The following OPCML variants were observed in gnomAD, a reference collection of about 807,000 sequenced individuals.
OPCML encodes opioid-binding protein/cell adhesion molecule.
Under a neutral mutation model 37.8 loss-of-function variants are expected in OPCML, and 13 were observed. The observed-to-expected ratio is 0.34, with a 90% CI of 0.22 to 0.55. OPCML has a LOEUF of 0.55. Ranked by LOEUF, OPCML falls within the 20% of genes least tolerant of loss-of-function variation. The pLI is 0.91. For synonymous variants in OPCML, 176 were observed against 168.8 expected, an observed-to-expected ratio of 1.04 and a Z score of -0.33; for missense variants, 341 against 435.6, an observed-to-expected ratio of 0.78 and a Z score of 1.93.
intron 2 of OPCML, among the ~76,000 whole-genome samples, chr11:132,685,632 C>T (rs1181311281): frequency 1.3e-5 from 2 of 152,040 alleles, no homozygotes; most frequent in African/African-American, 4.8e-5. Context: ...TTATGTCTCC[C>T]TTTTTTTGAT....
At chr11:133,334,489 T>TA (rs891377012) in intron 1 of OPCML, among the ~76,000 whole-genome samples, 5 of 152,092 alleles carry the variant, frequency 3.3e-5, no homozygotes, top group Non-Finnish European at 7.4e-5. Flanking sequence ...CACTGGGGTC[T>TA]ACTTGATGGG....
At chr11:133,483,117 G>A (rs1288972089) in intron 1 of OPCML, among the ~76,000 whole-genome samples, 2 of 151,998 alleles carry the variant, frequency 1.3e-5, no homozygotes, top group African/African-American at 4.8e-5. Context: ...ATTTTAAGAG[G>A]AGAAAAAACA....
At chr11:133,254,844 C>G (rs1386890667) in intron 1 of OPCML, among the ~76,000 whole-genome samples, 1 of 151,946 alleles carries the variant, frequency 6.6e-6, no homozygotes, top group Non-Finnish European at 1.5e-5. Flanking sequence ...TGTCAGGTAG[C>G]AGGGGATCTT....
chr11:132,880,238 T>C (rs1421662343), intron 2 of OPCML, among the ~76,000 whole-genome samples: 1 of 152,088 alleles, frequency 6.6e-6, no homozygotes, highest in Non-Finnish European at 1.5e-5. Context: ...AATGTTTAAA[T>C]AATTAAAATC....
At chr11:132,691,965 G>T (rs1943421358) in intron 2 of OPCML, among the ~76,000 whole-genome samples, 1 of 152,120 alleles carries the variant, frequency 6.6e-6, no homozygotes, top group African/African-American at 2.4e-5. Flanking sequence ...TACCCTCCTG[G>T]TTGCAACCTA....
chr11:133,295,356 G>A (rs1942603355), intron 1 of OPCML, among the ~76,000 whole-genome samples: 1 of 152,150 alleles, frequency 6.6e-6, no homozygotes, highest in Non-Finnish European at 1.5e-5. Flanking sequence ...ACAAAGCTAA[G>A]GTAGGTAAGC....
At chr11:132,546,660 C>G (rs1238624442) in intron 3 of OPCML, among the ~76,000 whole-genome samples, 1 of 152,186 alleles carries the variant, frequency 6.6e-6, no homozygotes. Context: ...TATTTCCCAG[C>G]TGTGTGACCT....
chr11:132,441,170 T>TTTTTTTTTTTTTTTTTTTTG lies in OPCML; in HGVS notation c.506-3812_506-3811insCAAAAAAAAAAAAAAAAAAA, dbSNP rs1448869073. ...TGTTCACCAAGGACTTTTTTGTTTTTTTTTTTTTTTTTTTTGAGACGGAGT... is the reference window on the plus strand; with the variant it reads ...TGTTCACCAAGGACTTTTTTGTTTTTTTTTTTTTTTTTTTTTTTTGTTTTTTTTTTTTTTTGAGACGGAGT... On this transcript the variant is annotated intron_variant, in intron 4 of 7. Transcript: ENST00000524381. Among the ~76,000 whole-genome samples the TTTTTTTTTTTTTTTTTTTTG allele has an allele frequency of 5.3e-4, 60 of 113,542 alleles. 1 individual carries two copies. The highest frequency in any genetic ancestry group is 2.5e-3 in the Admixed American group (28 of 11,116). 74.5% of individuals were successfully genotyped at this position (113,542 alleles called of 152,430 possible).
chr11:133,025,021 A>C, intron 1 of OPCML: 2 of 984,296 alleles, frequency 2.0e-6, no homozygotes, highest in Non-Finnish European at 2.4e-6. Context: ...TCCTCAAACT[A>C]TGCCTTAAGA....
intron 1 of OPCML, among the ~76,000 whole-genome samples, chr11:133,390,180 C>T (rs994590200): frequency 6.6e-6 from 1 of 152,200 alleles, no homozygotes; most frequent in Admixed American, 6.5e-5. Context: ...AGCTACAGGC[C>T]GAACGCGGTG....
intron 2 of OPCML, among the ~76,000 whole-genome samples, chr11:132,880,562 T>C (rs1462771439): frequency 2.0e-5 from 3 of 152,220 alleles, no homozygotes; most frequent in African/African-American, 7.2e-5. Context: ...ATTCTCATGC[T>C]CAGCCCTGGC....
At chr11:133,034,201 C>T (rs1947726324) in intron 1 of OPCML, among the ~76,000 whole-genome samples, 1 of 151,988 alleles carries the variant, frequency 6.6e-6, no homozygotes, top group African/African-American at 2.4e-5. Context: ...TCTTACTAGT[C>T]CTAAGTTTGT....
chr11:133,443,767 TA>T (rs748912564), intron 1 of OPCML, among the ~76,000 whole-genome samples: 1 of 152,096 alleles, frequency 6.6e-6, no homozygotes, highest in Non-Finnish European at 1.5e-5. Context: ...GAGCTACCTG[TA>T]AAAAAGTCAG....
intron 4 of OPCML, among the ~76,000 whole-genome samples, chr11:132,502,324 T>A (rs1227661513): frequency 1.3e-5 from 2 of 152,216 alleles, no homozygotes; most frequent in Non-Finnish European, 2.9e-5. Context: ...GTACTTTTTA[T>A]TTATTTATCA....
intron 2 of OPCML, among the ~76,000 whole-genome samples, chr11:132,693,657 T>C (rs1207684177): frequency 2.6e-5 from 4 of 152,204 alleles, no homozygotes; most frequent in Non-Finnish European, 5.9e-5. Flanking sequence ...CAGCTCCAGA[T>C]TATAATTGCC....
chr11:133,266,045 G>C (rs1253639165), intron 1 of OPCML, among the ~76,000 whole-genome samples: 1 of 152,052 alleles, frequency 6.6e-6, no homozygotes, highest in Non-Finnish European at 1.5e-5. Context: ...CAATTTGATA[G>C]CAACACTAGG....
chr11:133,381,758 A>T (rs1207731855), intron 1 of OPCML, among the ~76,000 whole-genome samples: 2 of 152,246 alleles, frequency 1.3e-5, no homozygotes, highest in Non-Finnish European at 2.9e-5. Context: ...TGGCTGAGTC[A>T]GGATTTGTTC....
chr11:132,606,843 G>T (rs989453350), intron 3 of OPCML, among the ~76,000 whole-genome samples: 2 of 152,144 alleles, frequency 1.3e-5, no homozygotes, highest in African/African-American at 4.8e-5. Flanking sequence ...AAGTAGATGA[G>T]CAGTGTCTCC....
chr11:133,508,035 A>G (rs948420040), intron 1 of OPCML, among the ~76,000 whole-genome samples: 1 of 152,166 alleles, frequency 6.6e-6, no homozygotes, highest in Non-Finnish European at 1.5e-5. Context: ...TAGGATTACC[A>G]GGGAAGCTTT....
Sources: allele counts gnomAD v4.1 joint callset (sites outside exome capture counted in the v4.1 genomes callset), GRCh38; gene constraint gnomAD v4.1.1; transcripts MANE v1.5; gene names NCBI Gene and HGNC (gene_info 2026-07-23, HGNC 2026-07-21).